Variants in GRM7 observed in about 807,000 individuals in gnomAD.
The protein encoded by GRM7 is glutamate metabotropic receptor 7.
In GRM7, 35 loss-of-function variants were observed where a neutral mutation model predicts 84.5. The observed-to-expected ratio is 0.41, with a 90% CI of 0.32 to 0.55. The LOEUF is 0.55. GRM7 is among the 20% of genes least tolerant of loss of function. The pLI is 0.19. For missense variants in GRM7, 1,003 were observed against 1,194.6 expected (o/e 0.84, Z 2.36); for synonymous variants, 487 against 455.1 (o/e 1.07, Z -0.89).
chr3:7,149,236 A>T (rs1250544273), intron 2 of GRM7, among the ~76,000 whole-genome samples: 2 of 152,064 alleles, frequency 1.3e-5, no homozygotes, highest in African/African-American at 4.8e-5. Context: ...GAGTAAGTCT[A>T]CTCAGTTTTG....
Position 6,861,524 on chromosome 3 carries a change from G to C in GRM7, c.136G>C (p.Glu46Gln), listed in dbSNP as rs753781868. The C allele has an allele frequency of 7.6e-6, 12 of 1,578,942 alleles. No individual in the cohort carries two copies. The highest frequency in any genetic ancestry group is 1.0e-5 in the Non-Finnish European group (12 of 1,163,540). Reference sequence around the variant, plus strand: ...GTACGCCCCGCACTCAATCCGGATCGAGGGGGACGTCACCCTCGGGGGGCT... The same window carrying C: ...GTACGCCCCGCACTCAATCCGGATCCAGGGGGACGTCACCCTCGGGGGGCT... ...EMYAPHSIRI[E>Q]GDVTLGGLFP... The change falls in exon 1 of 10, where the codon GAG (glutamate) becomes CAG (glutamine). Residue 46 changes from glutamate (E) to glutamine (Q), a missense_variant. Transcript: ENST00000357716. This position sits in a 1 kb window ranked among gnomAD's most constrained non-coding sequence, Gnocchi z 6.4.
chr3:7,585,875 G>A (rs1695494556), intron 8 of GRM7, among the ~76,000 whole-genome samples: 1 of 152,102 alleles, frequency 6.6e-6, no homozygotes, highest in Non-Finnish European at 1.5e-5. Context: ...GGGCAGTCAG[G>A]GGACTGCCAA....
rs564888920 is a variant in GRM7, at chr3:6,885,420, G to C, written c.519+23513G>C. On this transcript the variant is annotated intron_variant, in intron 1 of 9. Coordinates refer to ENST00000357716, the MANE Select transcript of GRM7 (RefSeq NM_000844.4). Reference sequence around the variant, plus strand: ...CTTCCGGGTTGTCCAGGTTGTTGCCGTGAAAAAGGGCAGTAATTTATGGGT... The same window carrying C: ...CTTCCGGGTTGTCCAGGTTGTTGCCCTGAAAAAGGGCAGTAATTTATGGGT... 1.8e-4 allele frequency among the ~76,000 whole-genome samples: 27 copies of C among 152,270 alleles called. No individual in the cohort carries two copies. In the South Asian group the frequency reaches 5.6e-3, roughly 32 times the overall value.
At chr3:6,947,457 G>T (rs556160736) in intron 1 of GRM7, among the ~76,000 whole-genome samples, 20 of 152,284 alleles carry the variant, frequency 1.3e-4, no homozygotes, top group African/African-American at 4.6e-4. Flanking sequence ...CGGTTTGCCA[G>T]TATTTTATTG....
At chr3:7,101,975 A>G (rs560496385) in intron 1 of GRM7, among the ~76,000 whole-genome samples, 1 of 151,438 alleles carries the variant, frequency 6.6e-6, no homozygotes, top group South Asian at 2.1e-4. Flanking sequence ...AAATTCATTT[A>G]ATTTATTCCT....
intron 1 of GRM7, among the ~76,000 whole-genome samples, chr3:7,139,483 G>A (rs1693876304): frequency 6.6e-6 from 1 of 151,912 alleles, no homozygotes; most frequent in African/African-American, 2.4e-5. Context: ...ATGCCTAGGG[G>A]AAATTTTGAT....
chr3:7,468,712 G>A (rs1163444225), intron 7 of GRM7, among the ~76,000 whole-genome samples: 4 of 152,052 alleles, frequency 2.6e-5, no homozygotes, highest in Non-Finnish European at 5.9e-5. Flanking sequence ...TGGGTCATTG[G>A]GGTGGTTTCC....
chr3:7,363,774 G>T (rs1693765831), intron 4 of GRM7, among the ~76,000 whole-genome samples: 1 of 152,104 alleles, frequency 6.6e-6, no homozygotes, highest in East Asian at 1.9e-4. Context: ...AGAGCTCCTC[G>T]AATTCTACAT....
intron 8 of GRM7, among the ~76,000 whole-genome samples, chr3:7,579,683 T>C (rs918247780): frequency 2.0e-5 from 3 of 152,042 alleles, no homozygotes; most frequent in African/African-American, 7.3e-5. Flanking sequence ...ACTTCTCCAC[T>C]TACCCACATA....
At chr3:7,083,795 A>G (rs1308052914) in intron 1 of GRM7, among the ~76,000 whole-genome samples, 3 of 152,252 alleles carry the variant, frequency 2.0e-5, no homozygotes, top group East Asian at 1.9e-4. Context: ...TGTGAGTGCT[A>G]CGACGAAAAT....
At chr3:7,331,490 T>C (rs1489296342) in intron 4 of GRM7, among the ~76,000 whole-genome samples, 2 of 152,214 alleles carry the variant, frequency 1.3e-5, no homozygotes, top group African/African-American at 4.8e-5. Flanking sequence ...CTCAAATTAC[T>C]GTGTAAGACA....
At chr3:7,532,753 C>G (rs1018249612) in intron 7 of GRM7, among the ~76,000 whole-genome samples, 1 of 120,776 alleles carries the variant, frequency 8.3e-6, no homozygotes, top group Non-Finnish European at 1.6e-5. Flanking sequence ...CTCCTGTGGG[C>G]ATTTAGTGCT....
At chr3:7,666,379 A>T (rs993349774) in intron 8 of GRM7, among the ~76,000 whole-genome samples, 10 of 152,238 alleles carry the variant, frequency 6.6e-5, no homozygotes, top group African/African-American at 2.2e-4. Context: ...AAAAAATTCA[A>T]AACATAGCCA....
chr3:7,510,778 G>T (rs1393438286), intron 7 of GRM7, among the ~76,000 whole-genome samples: 1 of 152,238 alleles, frequency 6.6e-6, no homozygotes, highest in East Asian at 1.9e-4. Context: ...ATGACATAAA[G>T]ATTATATGAA....
intron 4 of GRM7, among the ~76,000 whole-genome samples, chr3:7,323,065 C>T (rs1700847394): frequency 1.3e-5 from 2 of 152,046 alleles, no homozygotes; most frequent in Admixed American, 6.6e-5. Context: ...CCTGAACACA[C>T]GGTGATCTCT....
At chr3:7,243,123 GGCTGCA>G (rs1697623051) in intron 2 of GRM7, among the ~76,000 whole-genome samples, 1 of 152,062 alleles carries the variant, frequency 6.6e-6, no homozygotes, top group Non-Finnish European at 1.5e-5. Flanking sequence ...GGTTGTTAGT[GGCTGCA>G]GCTGAACAGC....
chr3:7,415,931 G>T (rs1489196159), intron 5 of GRM7, among the ~76,000 whole-genome samples: 2 of 152,138 alleles, frequency 1.3e-5, no homozygotes, highest in African/African-American at 2.4e-5. Flanking sequence ...AACTAAGGAA[G>T]TTTACTAATG....
At chr3:6,865,134 C>T (rs1385741437) in intron 1 of GRM7, among the ~76,000 whole-genome samples, 1 of 152,166 alleles carries the variant, frequency 6.6e-6, no homozygotes, top group Non-Finnish European at 1.5e-5. Flanking sequence ...CATTTTCAGC[C>T]TCAAAGAAAC....
At position 7,543,913 on chromosome 3, in the gene GRM7, C is replaced by T. The variant is rs73116020; in HGVS notation, c.1516-34509C>T. ...AGTAAAAGCTGAGTCTGAGCGTACT[C>T]CCTGGGCAAGAAAAATAGATTTTCC... On this transcript the variant is annotated intron_variant, in intron 7 of 9. Transcript: ENST00000357716. Among the ~76,000 whole-genome samples the T allele has an allele frequency of 4.5e-3, 688 of 152,258 alleles. 6 individuals carry two copies. Among genetic ancestry groups the T allele is most frequent in the African/African-American group, 0.013 (547 of 41,544 alleles).
Sources: allele counts gnomAD v4.1 joint callset (sites outside exome capture counted in the v4.1 genomes callset), GRCh38; gene constraint gnomAD v4.1.1; non-coding constraint Gnocchi (gnomAD v3.1); transcripts MANE v1.5; gene names NCBI Gene and HGNC (gene_info 2026-07-23, HGNC 2026-07-21).